Variants in CHRNB2 observed in about 807,000 individuals in gnomAD.
CHRNB2 encodes the protein neuronal acetylcholine receptor subunit beta-2.
Under a neutral mutation model 42.7 loss-of-function variants are expected in CHRNB2, and 33 were observed. That is an observed-to-expected ratio of 0.77 (90% CI 0.59 to 1.03). The LOEUF (loss-of-function observed/expected upper bound fraction) is 1.03. CHRNB2 is among the 50% of genes least tolerant of loss of function. The pLI, the probability that CHRNB2 is intolerant of heterozygous loss-of-function variation, is 0.00. For synonymous variants in CHRNB2, 325 were observed against 292.9 expected (o/e 1.11, Z -1.12); for missense variants, 603 against 700.9 (o/e 0.86, Z 1.58).
At chr1:154,569,951 G>A in intron 3 of CHRNB2, 115 bp downstream of exon 3, 3 of 1,229,798 alleles carry the variant, frequency 2.4e-6, no homozygotes, top group Non-Finnish European at 3.6e-6. Context: ...ATAGAGTTTG[G>A]AGTCCTAAAC....
At position 154,579,688 on chromosome 1, in the gene CHRNB2, C is replaced by T. The variant is rs917632062; in HGVS notation, c.*3756C>T. On this transcript the variant is annotated 3_prime_UTR_variant, in exon 6 of 6. Coordinates refer to ENST00000368476, the MANE Select transcript of CHRNB2 (RefSeq NM_000748.3). ...GTCCAGGCGGTCAGTGTGATAGCCA[C>T]GCAGTTCCTAAGGGACTGTAGGTCT... 1 of 152,260 alleles carries T rather than the reference C, an allele frequency of 6.6e-6. No homozygotes were observed. Among genetic ancestry groups the T allele is most frequent in the African/African-American group, 2.4e-5 (1 of 41,432 alleles). 9.4% of individuals were successfully genotyped at this position (152,260 alleles called of 1,614,324 possible). A position where few individuals can be genotyped will look rare whatever the true frequency, so the allele number is the denominator to read the frequency against.
At position 154,571,788 on chromosome 1, in the gene CHRNB2, AC is replaced by A; in HGVS notation, c.967del (p.His323ThrfsTer13). ...IVTSVCVLNV[H>X]HRSPTTHTMA... Reference sequence around the variant, plus strand: ...ACCAGCGTGTGCGTGCTCAACGTGCACCACCGCTCGCCCACCACGCACACCA... The same window carrying A: ...ACCAGCGTGTGCGTGCTCAACGTGCACACCGCTCGCCCACCACGCACACCA... On this transcript the variant is annotated frameshift_variant, in exon 5 of 6. Coordinates refer to ENST00000368476, the MANE Select transcript of CHRNB2 (RefSeq NM_000748.3). LOFTEE classifies it high-confidence loss of function. This position sits in a 1 kb window ranked among gnomAD's most constrained non-coding sequence, Gnocchi z 6.8. 4 of 1,614,134 alleles carry A rather than the reference AC, an allele frequency of 2.5e-6. No homozygotes were observed. The highest frequency in any genetic ancestry group is 3.4e-6 in the Non-Finnish European group (4 of 1,180,028).
rs1696314590 is a variant in CHRNB2 at position 154,577,996 on chromosome 1, T to A, written c.*2064T>A. The stretch of plus-strand genomic sequence containing the variant: ...AGGAGACAGGCCTCAGCGCATCTCG[T>A]CTGTCAGGATGGGCTCACGGACACC... On this transcript the variant is annotated 3_prime_UTR_variant, in exon 6 of 6. Coordinates refer to ENST00000368476, the MANE Select transcript of CHRNB2 (RefSeq NM_000748.3). 1 of 152,350 alleles carries A rather than the reference T, an allele frequency of 6.6e-6. No individual in the cohort carries two copies. Among genetic ancestry groups the A allele is most frequent in the East Asian group, 1.9e-4 (1 of 5,204 alleles). 9.4% of individuals were successfully genotyped at this position (152,350 alleles called of 1,614,324 possible).
rs756041212 is a variant in CHRNB2, at chr1:154,571,840, C to T, written c.1017C>T (p.Phe339=). 1 of 1,612,532 alleles carries T rather than the reference C, an allele frequency of 6.2e-7. No individual in the cohort carries two copies. The highest frequency in any genetic ancestry group is 2.2e-5 in the East Asian group (1 of 44,878). ...TGGCGCCCTGGGTGAAGGTCGTCTTCCTGGAGAAGCTGCCCGCGCTGCTCT... is the reference window on the plus strand; with the variant it reads ...TGGCGCCCTGGGTGAAGGTCGTCTTTCTGGAGAAGCTGCCCGCGCTGCTCT... ...HTMAPWVKVV[F]LEKLPALLFM... Residue 339 remains phenylalanine, a synonymous_variant, in exon 5 of 6, where the codon TTC becomes TTT. Transcript: ENST00000368476. This position sits in a 1 kb window ranked among gnomAD's most constrained non-coding sequence, Gnocchi z 6.8.
chr1:154,569,458 C>T lies in CHRNB2; in HGVS notation c.65-4C>T. ...TACTTTCGTCCTGCCTTTCCCCTGC[C>T]CAGGGGTGTGGGGTACGGATACAGA... On this transcript the variant is annotated splice_region_variant and splice_polypyrimidine_tract_variant and intron_variant, in intron 1 of 5. Coordinates refer to ENST00000368476, the MANE Select transcript of CHRNB2 (RefSeq NM_000748.3). 1.2e-6 allele frequency: 2 copies of T among 1,613,736 alleles called. No homozygotes were observed. Among genetic ancestry groups the T allele is most frequent in the Admixed American group, 1.7e-5 (1 of 60,000 alleles).
rs1421654764 is a variant in CHRNB2 at position 154,571,892 on chromosome 1, G to C, written c.1069G>C (p.Ala357Pro). 6.3e-7 allele frequency: 1 copy of C among 1,587,556 alleles called. No homozygotes were observed. Among genetic ancestry groups the C allele is most frequent in the Admixed American group, 1.8e-5 (1 of 57,014 alleles). ...LFMQQPRHHC[A>P]RQRLRLRRRQ... is the part of the protein sequence containing the mutation. ...CATGCAGCAGCCACGCCATCATTGC[G>C]CCCGTCAGCGCCTGCGCCTGCGGCG... Residue 357 changes from alanine to proline, a missense_variant, in exon 5 of 6, where the codon GCC becomes CCC. Physicochemically the swap from Ala to Pro is conservative, Grantham distance 27. Around this residue, in one of 2 missense-constraint regions of CHRNB2, gnomAD observed 270 missense variants for 248.3 expected, o/e 1.09. Coordinates refer to ENST00000368476, the MANE Select transcript of CHRNB2 (RefSeq NM_000748.3). The surrounding 1 kb of genome is among the most constrained non-coding windows in gnomAD (Gnocchi z 6.8).
In CHRNB2 at chr1:154,571,784, G is replaced by A. The variant is rs771568668; in HGVS notation, c.961G>A (p.Val321Met). The change falls in exon 5 of 6, where the codon GTG (valine) becomes ATG (methionine). Residue 321 changes from valine to methionine, a missense_variant. Physicochemically the swap from Val to Met is conservative, Grantham distance 21 (BLOSUM62 1). Transcript: ENST00000368476. This position sits in a 1 kb window ranked among gnomAD's most constrained non-coding sequence, Gnocchi z 6.8. ...CGTCACCAGCGTGTGCGTGCTCAAC[G>A]TGCACCACCGCTCGCCCACCACGCA... is the stretch of plus-strand genomic sequence containing the variant. Reference protein sequence around the residue: ...SIVTSVCVLNVHHRSPTTHTM... With the variant: ...SIVTSVCVLNMHHRSPTTHTM... The A allele has an allele frequency of 1.2e-6, 2 of 1,614,040 alleles. No homozygotes were observed. The highest frequency in any genetic ancestry group is 8.5e-7 in the Non-Finnish European group (1 of 1,180,034).
In CHRNB2 at chr1:154,571,595, C is replaced by T. The variant is rs201514209; in HGVS notation, c.772C>T (p.Leu258=). 2.4e-4 allele frequency: 395 copies of T among 1,614,246 alleles called. 4 individuals carry two copies. In the South Asian group the frequency reaches 4.1e-3, roughly 17 times the overall value. The change falls in exon 5 of 6, where the codon CTG becomes TTG. Residue 258 remains leucine (L), a synonymous_variant. Coordinates refer to ENST00000368476, the MANE Select transcript of CHRNB2 (RefSeq NM_000748.3). This position sits in a 1 kb window ranked among gnomAD's most constrained non-coding sequence, Gnocchi z 6.8. ...CTCGCTAGCCATCCTTGTCTTCTACCTGCCATCCGACTGTGGCGAGAAGAT... is the reference window on the plus strand; with the variant it reads ...CTCGCTAGCCATCCTTGTCTTCTACTTGCCATCCGACTGTGGCGAGAAGAT... ...ITSLAILVFY[L]PSDCGEKMTL...
chr1:154,570,945 T>G (rs1696151757), intron 4 of CHRNB2, among the ~76,000 whole-genome samples: 2 of 151,106 alleles, frequency 1.3e-5, no homozygotes, highest in South Asian at 4.2e-4. Context: ...CCCTTCTACC[T>G]GCAAGGTGTC....
At chr1:154,568,600 T>C (rs1338375714) in intron 1 of CHRNB2, among the ~76,000 whole-genome samples, 1 of 152,054 alleles carries the variant, frequency 6.6e-6, no homozygotes, top group Non-Finnish European at 1.5e-5. Context: ...GAACGGACTT[T>C]TCAACCCTCC....
chr1:154,575,997 A>G lies in CHRNB2; in HGVS notation c.*65A>G. On this transcript the variant is annotated 3_prime_UTR_variant, in exon 6 of 6. Coordinates refer to ENST00000368476, the MANE Select transcript of CHRNB2 (RefSeq NM_000748.3). ...TCTGCTGCACAGTAGTGTTGGGTGGAGGATGGACGAGTGAGCTACCAGGAA... is the reference window on the plus strand; with the variant it reads ...TCTGCTGCACAGTAGTGTTGGGTGGGGGATGGACGAGTGAGCTACCAGGAA... 4 of 1,594,910 alleles carry G rather than the reference A, an allele frequency of 2.5e-6. No homozygotes were observed. Among genetic ancestry groups the G allele is most frequent in the Non-Finnish European group, 3.4e-6 (4 of 1,165,596 alleles).
rs374036765 is a variant in CHRNB2, at chr1:154,575,957, T to C, written c.*25T>C. ...AGGCCCTTCCTCATCTCCATGCTCT[T>C]TCACCCTGCCACCCTCTGCTGCACA... On this transcript the variant is annotated 3_prime_UTR_variant, in exon 6 of 6. Transcript: ENST00000368476. 6 of 1,613,622 alleles carry C rather than the reference T, an allele frequency of 3.7e-6. No individual in the cohort carries two copies. In the African/African-American group the frequency reaches 8.0e-5, roughly 22 times the overall value.
In CHRNB2 at chr1:154,569,552, G is replaced by A. The variant is rs1696125039; in HGVS notation, c.155G>A (p.Gly52Asp). The A allele has an allele frequency of 6.2e-7, 1 of 1,614,130 alleles. No homozygotes were observed. The highest frequency in any genetic ancestry group is 2.2e-5 in the East Asian group (1 of 44,886). ...YNKLIRPATN[G>D]SELVTVQLMV... is the part of the protein sequence containing the mutation. ...AAGCTTATCCGCCCAGCCACCAATGGCTCTGAGCTGGTGACAGTACAGCTT... is the reference window on the plus strand; with the variant it reads ...AAGCTTATCCGCCCAGCCACCAATGACTCTGAGCTGGTGACAGTACAGCTT... Residue 52 changes from glycine (G) to aspartate (D), a missense_variant, in exon 2 of 6, where the codon GGC becomes GAC. Gly to Asp is a moderately conservative substitution (Grantham distance 94, BLOSUM62 -1). Transcript: ENST00000368476.
chr1:154,577,535 G>A lies in CHRNB2; in HGVS notation c.*1603G>A, dbSNP rs1025666204. On this transcript the variant is annotated 3_prime_UTR_variant, in exon 6 of 6. Coordinates refer to ENST00000368476, the MANE Select transcript of CHRNB2 (RefSeq NM_000748.3). ...TAGGTGGCAATGCCCTCTTCCTGAG[G>A]TTGCTGGGAGGATAAGGCAGTGCTT... 1.3e-5 allele frequency: 2 copies of A among 152,280 alleles called. No individual in the cohort carries two copies. Among genetic ancestry groups the A allele is most frequent in the African/African-American group, 4.8e-5 (2 of 41,450 alleles). The allele number at this position is 152,280 out of a possible 1,614,324, so 9.4% of individuals were successfully genotyped here.
At chr1:154,572,184 C>G (rs1486757903) in intron 5 of CHRNB2, 23 bp downstream of exon 5, 30 of 1,535,862 alleles carry the variant, frequency 2.0e-5, no homozygotes, top group Non-Finnish European at 2.5e-5. Flanking sequence ...GGCTGGGACC[C>G]CGGGCGTGAG....
intron 5 of CHRNB2, among the ~76,000 whole-genome samples, chr1:154,574,255 C>G (rs904326431): frequency 1.2e-4 from 18 of 152,320 alleles, no homozygotes; most frequent in Non-Finnish European, 2.6e-4. Context: ...AACAGGGACA[C>G]TCTCTTGCAT....
chr1:154,570,515 C>A, intron 4 of CHRNB2, 148 bp downstream of exon 4: 1 of 661,598 alleles, frequency 1.5e-6, no homozygotes, highest in Non-Finnish European at 2.7e-6. Flanking sequence ...CAGACCCAGA[C>A]CAGTGAGGTA....
rs1276403740 is a variant in CHRNB2 at position 154,576,745 on chromosome 1, T to C, written c.*813T>C. The stretch of plus-strand genomic sequence containing the variant: ...GAGTCTCAGGTCCAAATACTTGAAA[T>C]CTGTGAGAAGTCCAAGTTCATGGGC... On this transcript the variant is annotated 3_prime_UTR_variant, in exon 6 of 6. Coordinates refer to ENST00000368476, the MANE Select transcript of CHRNB2 (RefSeq NM_000748.3). 1 of 152,264 alleles carries C rather than the reference T, an allele frequency of 6.6e-6. No homozygotes were observed. The highest frequency in any genetic ancestry group is 1.5e-5 in the Non-Finnish European group (1 of 68,140). The allele number at this position is 152,264 out of a possible 1,614,324, so 9.4% of individuals were successfully genotyped here. A position where few individuals can be genotyped will look rare whatever the true frequency, so the allele number is the denominator to read the frequency against.
chr1:154,568,015 G>A lies in CHRNB2; in HGVS notation c.-30G>A. 1 of 1,548,118 alleles carries A rather than the reference G, an allele frequency of 6.5e-7. No individual in the cohort carries two copies. The highest frequency in any genetic ancestry group is 8.7e-7 in the Non-Finnish European group (1 of 1,151,404). Reference sequence around the variant, plus strand: ...CCCCCGGCGGCGCGCTCCAGCCGGTGTAGGCGAGGCAGCGAGCTATGCCCG... The same window carrying A: ...CCCCCGGCGGCGCGCTCCAGCCGGTATAGGCGAGGCAGCGAGCTATGCCCG... On this transcript the variant is annotated 5_prime_UTR_variant, in exon 1 of 6. Transcript: ENST00000368476.
Sources: allele counts gnomAD v4.1 joint callset (sites outside exome capture counted in the v4.1 genomes callset), GRCh38; gene constraint gnomAD v4.1.1; regional missense constraint gnomAD v4.1.1; non-coding constraint Gnocchi (gnomAD v3.1); transcripts MANE v1.5; gene names NCBI Gene and HGNC (gene_info 2026-07-23, HGNC 2026-07-21).